The following CSNK1G1 variants were observed in gnomAD, a reference collection of about 807,000 sequenced individuals.
CSNK1G1 encodes casein kinase I isoform gamma-1.
Under a neutral mutation model 59.6 loss-of-function variants are expected in CSNK1G1, and 22 were observed. The ratio of observed to expected loss-of-function variants is 0.37; its 90% confidence interval spans 0.26 to 0.53. The LOEUF (loss-of-function observed/expected upper bound fraction) is 0.53. Among genes scored for constraint, CSNK1G1 ranks in the 20% least tolerant of loss-of-function variants. The pLI is 0.89. For synonymous variants in CSNK1G1, 179 were observed against 177.1 expected, an observed-to-expected ratio of 1.01 and a Z score of -0.08; for missense variants, 384 against 519.5, an observed-to-expected ratio of 0.74 and a Z score of 2.54.
chr15:64,312,555 C>T (rs964144525), intron 1 of CSNK1G1, among the ~76,000 whole-genome samples: 8 of 152,064 alleles, frequency 5.3e-5, no homozygotes, highest in East Asian at 3.9e-4. Context: ...TAGCCATATG[C>T]AGAAAACTGA....
rs138781128 is a variant in CSNK1G1 at position 64,344,465 on chromosome 15, C to T, written c.-225+11523G>A. ...TCATTTTAATGCAGCCAAATGTGTG[C>T]TCATTAAATATAGGCTATAATAACT... is the stretch of plus-strand genomic sequence containing the variant. On this transcript the variant is annotated intron_variant, in intron 1 of 11. Transcript: ENST00000303052. Among the ~76,000 whole-genome samples the T allele has an allele frequency of 6.7e-3, 1,024 of 152,166 alleles. 17 individuals carry two copies. The highest frequency in any genetic ancestry group is 0.024 in the African/African-American group (980 of 41,526).
intron 9 of CSNK1G1, among the ~76,000 whole-genome samples, chr15:64,203,694 T>TTAAAA (rs2082139278): frequency 1.8e-5 from 1 of 56,178 alleles, no homozygotes; most frequent in African/African-American, 7.7e-5. Flanking sequence ...TGAAACTCCG[T>TTAAAA]AAAAAAAAAA....
chr15:64,266,673 C>T (rs749358798), intron 2 of CSNK1G1, among the ~76,000 whole-genome samples: 1 of 152,092 alleles, frequency 6.6e-6, no homozygotes, highest in Non-Finnish European at 1.5e-5. Flanking sequence ...TAAAAACACA[C>T]AAGTGAAACA....
chr15:64,172,017 G>A (rs770049148), intron 11 of CSNK1G1, 32 bp from the exon 12 acceptor site: 21 of 1,597,798 alleles, frequency 1.3e-5, no homozygotes, highest in Admixed American at 6.7e-5. Context: ...AAGTCAGTGC[G>A]GGAGGCCTGC....
At chr15:64,326,683 A>G (rs1208412338) in intron 1 of CSNK1G1, among the ~76,000 whole-genome samples, 1 of 151,776 alleles carries the variant, frequency 6.6e-6, no homozygotes, top group Non-Finnish European at 1.5e-5. Context: ...AAGATGGCCG[A>G]ATAGGAACAG....
chr15:64,230,763 A>G (rs959908834), intron 4 of CSNK1G1, among the ~76,000 whole-genome samples: 2 of 152,014 alleles, frequency 1.3e-5, no homozygotes, highest in South Asian at 2.1e-4. Context: ...ACTAGGTCAG[A>G]AGATTGAGAC....
intron 4 of CSNK1G1, among the ~76,000 whole-genome samples, chr15:64,226,746 C>T (rs151169014): frequency 1.3e-5 from 2 of 152,260 alleles, no homozygotes; most frequent in South Asian, 2.1e-4. Context: ...GGATTATCTA[C>T]TGAATTTCAA....
chr15:64,264,465 T>A (rs566240634), intron 2 of CSNK1G1, among the ~76,000 whole-genome samples: 36 of 152,318 alleles, frequency 2.4e-4, no homozygotes, highest in African/African-American at 8.2e-4. Context: ...AAAATATAAA[T>A]TCTTTTCAAA....
intron 4 of CSNK1G1, among the ~76,000 whole-genome samples, chr15:64,218,861 T>G (rs1221107495): frequency 6.6e-6 from 1 of 150,792 alleles, no homozygotes; most frequent in Non-Finnish European, 1.5e-5. Flanking sequence ...TGTTTTTTTT[T>G]TTTTTTTTTT....
Position 64,300,424 on chromosome 15 carries a change from A to T in CSNK1G1, c.76T>A (p.Ser26Thr). 1 of 1,614,134 alleles carries T rather than the reference A, an allele frequency of 6.2e-7. No individual in the cohort carries two copies. The highest frequency in any genetic ancestry group is 8.5e-7 in the Non-Finnish European group (1 of 1,179,990). The change falls in exon 2 of 12, where the codon TCT becomes ACT. Residue 26 changes from serine (S) to threonine (T), a missense_variant. Physicochemically the swap from Ser to Thr is moderately conservative, Grantham distance 58. Transcript: ENST00000303052. Reference protein sequence around the residue: ...KPMAQRSAHCSRPSGSSSSSG... With the variant: ...KPMAQRSAHCTRPSGSSSSSG... Reference sequence around the variant, plus strand: ...GACGATGAGGAGCCAGATGGTCGAGAGCAGTGTGCACTCCTTTGTGCCATG... The same window carrying T: ...GACGATGAGGAGCCAGATGGTCGAGTGCAGTGTGCACTCCTTTGTGCCATG...
At chr15:64,259,377 G>A (rs951829110) in intron 2 of CSNK1G1, 136 bp from the exon 3 acceptor site, 5 of 613,784 alleles carry the variant, frequency 8.1e-6, no homozygotes, top group South Asian at 4.5e-5. Context: ...ATTTATAAGC[G>A]AAAAGCTACA....
intron 5 of CSNK1G1, among the ~76,000 whole-genome samples, chr15:64,215,035 A>T (rs2082292894): frequency 6.7e-6 from 1 of 148,454 alleles, no homozygotes; most frequent in Admixed American, 6.7e-5. Context: ...TCCTGGCCTC[A>T]AGTGACCCTC....
At chr15:64,266,404 A>C (rs1250920042) in intron 2 of CSNK1G1, among the ~76,000 whole-genome samples, 2 of 152,170 alleles carry the variant, frequency 1.3e-5, no homozygotes, top group Non-Finnish European at 2.9e-5. Flanking sequence ...AAAAAATAAA[A>C]ATAAAAAATC....
rs531848218 is a variant in CSNK1G1, at chr15:64,193,151, C to A, written c.1107+9931G>T. Among the ~76,000 whole-genome samples, 189 of 151,842 alleles carry A rather than the reference C, an allele frequency of 1.2e-3. 1 individual carries two copies. Among genetic ancestry groups the A allele is most frequent in the African/African-American group, 4.2e-3 (173 of 41,364 alleles). On this transcript the variant is annotated intron_variant, in intron 10 of 11. Transcript: ENST00000303052. ...TATCACACTTCCAATATTAAAATTTCTTTTTTTTCTTTTATGATATGGTGG... is the reference window on the plus strand; with the variant it reads ...TATCACACTTCCAATATTAAAATTTATTTTTTTTCTTTTATGATATGGTGG...
chr15:64,235,325 T>C (rs1289382982), intron 4 of CSNK1G1, among the ~76,000 whole-genome samples: 1 of 152,224 alleles, frequency 6.6e-6, no homozygotes, highest in Non-Finnish European at 1.5e-5. Flanking sequence ...CTCTACCTCC[T>C]CTTAAACCAA....
At position 64,310,530 on chromosome 15, in the gene CSNK1G1, ATGTGGTGAGAC is replaced by A. The variant is rs201730363; in HGVS notation, c.-224-9818_-224-9808del. ...CAGGAGTTCAAGACCAACCTGGGTG[ATGTGGTGAGAC>A]TGTGTCTCTATAAAAAAAAAAAAAA... On this transcript the variant is annotated intron_variant, in intron 1 of 11. Coordinates refer to ENST00000303052, the MANE Select transcript of CSNK1G1 (RefSeq NM_022048.5). Among the ~76,000 whole-genome samples the A allele has an allele frequency of 8.5e-3, 1,247 of 147,112 alleles. 17 individuals carry two copies. The highest frequency in any genetic ancestry group is 0.03 in the African/African-American group (1,194 of 39,776).
chr15:64,243,575 G>C (rs969557217), intron 4 of CSNK1G1, among the ~76,000 whole-genome samples: 1 of 151,980 alleles, frequency 6.6e-6, no homozygotes, highest in African/African-American at 2.4e-5. Context: ...AAGACATAAA[G>C]GGCATCCAAA....
chr15:64,259,685 G>A (rs984510860), intron 2 of CSNK1G1, among the ~76,000 whole-genome samples: 4 of 152,030 alleles, frequency 2.6e-5, no homozygotes, highest in Non-Finnish European at 5.9e-5. Flanking sequence ...ATGGTATTTC[G>A]TGTCAACTTT....
chr15:64,343,208 A>AACACACACACACAC (rs3057760), intron 1 of CSNK1G1, among the ~76,000 whole-genome samples: 1,295 of 110,008 alleles, frequency 0.012, 30 homozygotes, highest in Admixed American at 0.013. Context: ...GCAAAACTCC[A>AACACACACACACAC]ACACACACAC....
Sources: allele counts gnomAD v4.1 joint callset (sites outside exome capture counted in the v4.1 genomes callset), GRCh38; gene constraint gnomAD v4.1.1; transcripts MANE v1.5; gene names NCBI Gene and HGNC (gene_info 2026-07-23, HGNC 2026-07-21).